Variants in CREBRF observed in about 807,000 individuals in gnomAD.
CREBRF encodes the protein UPF0474 protein C5orf41.
CREBRF carries 5 observed loss-of-function variants against 66.1 expected under a neutral mutation model. The ratio of observed to expected loss-of-function variants is 0.08; its 90% CI spans 0.04 to 0.16. CREBRF has a LOEUF of 0.16. Among genes scored for constraint, CREBRF ranks in the 10% least tolerant of loss-of-function variants. The probability of loss-of-function intolerance (pLI) is 1.00; values close to 1 mark genes in which losing one functional copy is unlikely to be tolerated. For missense variants in CREBRF, 531 were observed against 744.9 expected (o/e 0.71, Z 3.34); for synonymous variants, 229 against 264.4 (o/e 0.87, Z 1.30).
chr5:173,068,160 T>G (rs1757490921), intron 1 of CREBRF: 2 of 453,488 alleles, frequency 4.4e-6, no homozygotes, highest in Non-Finnish European at 8.9e-6. Context: ...ACTGTAAATT[T>G]TATTCTTTTG....
At chr5:173,085,244 G>T in intron 2 of CREBRF, 2 of 442,260 alleles carry the variant, frequency 4.5e-6, no homozygotes, top group South Asian at 3.8e-5. Flanking sequence ...CCCCCAGCCT[G>T]AATTTTAATT....
intron 1 of CREBRF, among the ~76,000 whole-genome samples, chr5:173,078,679 C>A (rs2113702543): frequency 6.6e-6 from 1 of 151,844 alleles, no homozygotes; most frequent in Admixed American, 6.6e-5. Context: ...CTGCCTCAGC[C>A]TCCCAAAGTG....
chr5:173,062,704 A>G (rs187688690), intron 1 of CREBRF, among the ~76,000 whole-genome samples: 2 of 150,844 alleles, frequency 1.3e-5, no homozygotes, highest in East Asian at 3.9e-4. Flanking sequence ...TTTTTCATCT[A>G]CATAGTAGGG....
At chr5:173,064,532 A>G (rs1015067312) in intron 1 of CREBRF, among the ~76,000 whole-genome samples, 8 of 148,854 alleles carry the variant, frequency 5.4e-5, no homozygotes, top group African/African-American at 1.7e-4. Flanking sequence ...ATCTGGGACT[A>G]CAGGTGCGCA....
intron 2 of CREBRF, chr5:173,085,732 T>C: frequency 2.6e-6 from 2 of 766,100 alleles, no homozygotes; most frequent in South Asian, 1.4e-5. Flanking sequence ...ATACATTCTT[T>C]AGGCCTTTCT....
At chr5:173,069,474 A>G (rs1025549283) in intron 1 of CREBRF, among the ~76,000 whole-genome samples, 1 of 151,954 alleles carries the variant, frequency 6.6e-6, no homozygotes, top group African/African-American at 2.4e-5. Flanking sequence ...CATGTGCGCC[A>G]CCACACCCAG....
intron 8 of CREBRF, among the ~76,000 whole-genome samples, chr5:173,132,845 G>A (rs556596931): frequency 1.2e-3 from 179 of 150,638 alleles, no homozygotes; most frequent in African/African-American, 3.9e-3. Context: ...GTGATCTGCC[G>A]ACCTCAGGTG....
At chr5:173,069,697 G>A (rs1447150873) in intron 1 of CREBRF, among the ~76,000 whole-genome samples, 1 of 152,080 alleles carries the variant, frequency 6.6e-6, no homozygotes, top group Non-Finnish European at 1.5e-5. Context: ...AGCTTTTTAG[G>A]AATGTTAGAG....
intron 2 of CREBRF, among the ~76,000 whole-genome samples, chr5:173,083,058 C>T (rs1008273007): frequency 1.9e-4 from 28 of 150,368 alleles, no homozygotes; most frequent in African/African-American, 6.8e-4. Flanking sequence ...GAAACCCCAT[C>T]TCTACTAAAA....
intron 3 of CREBRF, among the ~76,000 whole-genome samples, chr5:173,088,163 C>T (rs535285933): frequency 1.3e-5 from 2 of 151,190 alleles, no homozygotes; most frequent in South Asian, 4.2e-4. Flanking sequence ...GCAGAAAGGG[C>T]TCTGGAGAGA....
intron 5 of CREBRF, 153 bp downstream of exon 5, chr5:173,108,971 C>T (rs1056627269): frequency 1.1e-4 from 70 of 635,688 alleles, no homozygotes; most frequent in Admixed American, 3.5e-4. Context: ...GACTACTCTT[C>T]GTCACTCACA....
rs70984942 is a variant in CREBRF at position 173,120,683 on chromosome 5, C to CTT, written c.1682-2369_1682-2368dup. ...GATGTGAGCCACCGTGCCTGAGCCT[C>CTT]TTTTTTTTTTTTTTTTTTTTTTTTT... On this transcript the variant is annotated intron_variant, in intron 7 of 8. Coordinates refer to ENST00000296953, the MANE Select transcript of CREBRF (RefSeq NM_153607.3). Among the ~76,000 whole-genome samples, 197 of 51,286 alleles carry CTT rather than the reference C, an allele frequency of 3.8e-3. 30 individuals carry two copies. Among genetic ancestry groups the CTT allele is most frequent in the Non-Finnish European group, 5.9e-3 (154 of 26,308 alleles). The allele number at this position is 51,286 out of a possible 152,430, so 33.6% of individuals were successfully genotyped here. A position where few individuals can be genotyped will look rare whatever the true frequency, so the allele number is the denominator to read the frequency against.
Position 173,091,172 on chromosome 5 carries a change from A to G in CREBRF, c.993A>G (p.Lys331=). 1.9e-6 allele frequency: 3 copies of G among 1,613,576 alleles called. No homozygotes were observed. Among genetic ancestry groups the G allele is most frequent in the South Asian group, 2.2e-5 (2 of 91,086 alleles). ...CATCAGTCTCAGATTCATCCCAGAA[A>G]AAAGAAGAGCACAATTATTCTCTTT... ...ASTSVSDSSQ[K]KEEHNYSLFV... Residue 331 remains lysine (K), a synonymous_variant, in exon 4 of 9, where the codon AAA becomes AAG. Transcript: ENST00000296953.
rs760786573 is a variant in CREBRF, at chr5:173,121,822, C to T, written c.1682-1258C>T. Among the ~76,000 whole-genome samples the T allele has an allele frequency of 4.4e-4, 67 of 152,196 alleles. 1 individual carries two copies. The highest frequency in any genetic ancestry group is 7.8e-4 in the Non-Finnish European group (53 of 68,024). ...AAGTTGCTTACAGGTTAGTGGACAT[C>T]GATGCATGTCTACAGTGTGTTGTCT... On this transcript the variant is annotated intron_variant, in intron 7 of 8. Transcript: ENST00000296953.
chr5:173,096,935 G>T (rs144606431), intron 4 of CREBRF, among the ~76,000 whole-genome samples: 1 of 152,028 alleles, frequency 6.6e-6, no homozygotes. Context: ...AATCATCCTT[G>T]CATCTCAAAG....
intron 4 of CREBRF, chr5:173,092,064 G>A (rs1758357816): frequency 1.8e-6 from 1 of 568,812 alleles, no homozygotes; most frequent in Middle Eastern, 9.0e-4. Context: ...CTGGGCAACA[G>A]GAGTGAAAGT....
At chr5:173,092,120 T>C in intron 4 of CREBRF, 2 of 846,350 alleles carry the variant, frequency 2.4e-6, no homozygotes, top group East Asian at 1.2e-4. Flanking sequence ...TATTACTGTT[T>C]ATGCATGTGT....
At chr5:173,096,017 T>C (rs1758468166) in intron 4 of CREBRF, among the ~76,000 whole-genome samples, 1 of 152,278 alleles carries the variant, frequency 6.6e-6, no homozygotes, top group African/African-American at 2.4e-5. Context: ...TTGCCCAGGC[T>C]GGAGTGCAGT....
At position 173,090,522 on chromosome 5, in the gene CREBRF, G is replaced by A; in HGVS notation, c.343G>A (p.Val115Met). 1 of 1,613,450 alleles carries A rather than the reference G, an allele frequency of 6.2e-7. No homozygotes were observed. Among genetic ancestry groups the A allele is most frequent in the Non-Finnish European group, 8.5e-7 (1 of 1,179,386 alleles). Residue 115 changes from valine (V) to methionine (M), a missense_variant, in exon 4 of 9, where the codon GTG (valine) becomes ATG (methionine). Coordinates refer to ENST00000296953, the MANE Select transcript of CREBRF (RefSeq NM_153607.3). The surrounding 1 kb of genome is among the most constrained non-coding windows in gnomAD (Gnocchi z 4.5). ...CTGTGACATCTGGGGAACAAAAGAA[G>A]TGGATTACTTGGGTCTTGATGACTT... ...TSCDIWGTKE[V>M]DYLGLDDFSS...
Sources: allele counts gnomAD v4.1 joint callset (sites outside exome capture counted in the v4.1 genomes callset), GRCh38; gene constraint gnomAD v4.1.1; non-coding constraint Gnocchi (gnomAD v3.1); transcripts MANE v1.5; gene names NCBI Gene and HGNC (gene_info 2026-07-23, HGNC 2026-07-21).